EIF4E3: variants seen among roughly 807,000 people sequenced by gnomAD.
The protein encoded by EIF4E3 is eukaryotic translation initiation factor 4E family member 3, also known as eukaryotic translation initiation factor 4E type 3.
A neutral mutation model predicts 31.7 loss-of-function variants in EIF4E3; 26 were observed. The observed-to-expected ratio is 0.82, with a 90% CI of 0.60 to 1.14. The LOEUF is 1.14. Ranked by LOEUF, EIF4E3 falls within the 50% of genes most tolerant of loss-of-function variation. The pLI is 0.00. For synonymous variants in EIF4E3, 128 were observed against 107.7 expected (o/e 1.19, Z -1.17); for missense variants, 304 against 270.9 (o/e 1.12, Z -0.86).
At chr3:71,731,383 C>T (rs2049704497) in intron 1 of EIF4E3, among the ~76,000 whole-genome samples, 1 of 152,212 alleles carries the variant, frequency 6.6e-6, no homozygotes, top group Admixed American at 6.5e-5. Flanking sequence ...AGTCCCTCCG[C>T]TTGCATGGCT....
chr3:71,696,255 C>T (rs1263484036), intron 4 of EIF4E3, among the ~76,000 whole-genome samples: 1 of 152,182 alleles, frequency 6.6e-6, no homozygotes, highest in Non-Finnish European at 1.5e-5. Flanking sequence ...CATACTACAC[C>T]ACGTCTATAG....
the EIF4E3 span, among the ~76,000 whole-genome samples, chr3:71,660,145 C>A: frequency 2.0e-5 from 3 of 151,864 alleles, no homozygotes; most frequent in Non-Finnish European, 2.9e-5. Context: ...GTGGGTAGGA[C>A]TTGGTGGGGG....
intron 4 of EIF4E3, among the ~76,000 whole-genome samples, chr3:71,695,988 C>G (rs1352604113): frequency 2.0e-5 from 3 of 152,204 alleles, no homozygotes; most frequent in South Asian, 2.1e-4. Context: ...GGAGCATAGT[C>G]TCTCATGAAA....
chr3:71,703,935 G>A (rs1479653541), intron 2 of EIF4E3, among the ~76,000 whole-genome samples: 1 of 152,152 alleles, frequency 6.6e-6, no homozygotes, highest in African/African-American at 2.4e-5. Context: ...TAGTTGCCTG[G>A]GGCTTCCCAC....
intron 5 of EIF4E3, among the ~76,000 whole-genome samples, chr3:71,693,340 A>G (rs186059373): frequency 1.9e-4 from 29 of 152,332 alleles, no homozygotes; most frequent in Admixed American, 1.3e-3. Flanking sequence ...ATCACAGGAT[A>G]TAATGGTGAG....
In EIF4E3 at chr3:71,749,775, T is replaced by C. The variant is rs563599696; in HGVS notation, c.-291+3688A>G. On this transcript the variant is annotated intron_variant, in intron 1 of 7. Coordinates refer to the EIF4E3 transcript ENST00000295612. Reference sequence around the variant, plus strand: ...TACAAGAATAATGGAAATTTTCTTATAGGAAAAAAATGTCATAGAGCTGTT... The same window carrying C: ...TACAAGAATAATGGAAATTTTCTTACAGGAAAAAAATGTCATAGAGCTGTT... Among the ~76,000 whole-genome samples, 4 of 152,298 alleles carry C rather than the reference T, an allele frequency of 2.6e-5. 1 individual carries two copies. The highest frequency in any genetic ancestry group is 7.2e-5 in the African/African-American group (3 of 41,574).
At chr3:71,751,981 C>T (rs1171880839) in intron 1 of EIF4E3, among the ~76,000 whole-genome samples, 8 of 152,156 alleles carry the variant, frequency 5.3e-5, no homozygotes, top group Admixed American at 1.3e-4. Context: ...ACCCATACAC[C>T]CTCCAAAATC....
Position 71,676,000 on chromosome 3 carries a change from G to A in EIF4E3, c.*8682C>T, listed in dbSNP as rs2048872662. On this transcript the variant is annotated 3_prime_UTR_variant, in exon 7 of 7. Transcript: ENST00000425534. ...AATGACAGCATCTACCTCGTAGAGT[G>A]TTGGGGAGAACTAACCTCTATGCTT... The A allele has an allele frequency of 6.6e-6, 1 of 152,194 alleles. No individual in the cohort carries two copies. The highest frequency in any genetic ancestry group is 1.5e-5 in the Non-Finnish European group (1 of 68,026). The allele number at this position is 152,194 out of a possible 1,614,324, so 9.4% of individuals were successfully genotyped here.
At chr3:71,666,105 C>A in the EIF4E3 span, among the ~76,000 whole-genome samples, 3 of 152,110 alleles carry the variant, frequency 2.0e-5, no homozygotes, top group Non-Finnish European at 4.4e-5. Context: ...CAGACCTGAA[C>A]TGAAGGAGAC....
intron 3 of EIF4E3, among the ~76,000 whole-genome samples, chr3:71,698,005 G>C (rs1179643209): frequency 6.6e-6 from 1 of 152,254 alleles, no homozygotes; most frequent in East Asian, 1.9e-4. Context: ...CTCCATAGTT[G>C]GCTGTGCTAA....
downstream of EIF4E3, among the ~76,000 whole-genome samples, chr3:71,671,137 A>G (rs1400429835): frequency 1.3e-5 from 2 of 152,150 alleles, no homozygotes. Flanking sequence ...CACACTTACA[A>G]TGGCCATACA....
chr3:71,748,257 T>A (rs947758720), intron 1 of EIF4E3, among the ~76,000 whole-genome samples: 3 of 152,188 alleles, frequency 2.0e-5, no homozygotes, highest in African/African-American at 2.4e-5. Context: ...TTGAGAGATG[T>A]GAAACCTGCA....
intron 6 of EIF4E3, among the ~76,000 whole-genome samples, chr3:71,685,363 T>C (rs1578330697): frequency 6.6e-6 from 1 of 152,150 alleles, no homozygotes; most frequent in Non-Finnish European, 1.5e-5. Context: ...CTCTAGAATA[T>C]ATATATATTT....
downstream of EIF4E3, among the ~76,000 whole-genome samples, chr3:71,673,931 A>ATATAT (rs879460557): frequency 4.0e-5 from 5 of 124,376 alleles, no homozygotes; most frequent in East Asian, 1.7e-3. Flanking sequence ...ATATATATAT[A>ATATAT]AAAAACATAA....
chr3:71,660,639 G>C, the EIF4E3 span, among the ~76,000 whole-genome samples: 1 of 152,172 alleles, frequency 6.6e-6, no homozygotes, highest in Non-Finnish European at 1.5e-5. Flanking sequence ...TACAAACACA[G>C]GTTCTATCAG....
rs1227900629 is a variant in EIF4E3, at chr3:71,682,001, G to C, written c.*2681C>G. 2 of 152,182 alleles carry C rather than the reference G, an allele frequency of 1.3e-5. No homozygotes were observed. Among genetic ancestry groups the C allele is most frequent in the Non-Finnish European group, 2.9e-5 (2 of 68,034 alleles). The allele number at this position is 152,182 out of a possible 1,614,324, so 9.4% of individuals were successfully genotyped here. On this transcript the variant is annotated 3_prime_UTR_variant, in exon 7 of 7. Transcript: ENST00000425534. ...ACCCTCATTTAAGAAATGTGGAAAAGTTGGGGGGAAAGAGGAAATCTTAAA... is the reference window on the plus strand; with the variant it reads ...ACCCTCATTTAAGAAATGTGGAAAACTTGGGGGGAAAGAGGAAATCTTAAA...
chr3:71,706,777 A>T (rs1447902), intron 2 of EIF4E3, among the ~76,000 whole-genome samples: 107,670 of 152,044 alleles, frequency 0.71, 38,639 homozygotes, highest in African/African-American at 0.83. Flanking sequence ...GAGCTATAAT[A>T]GCACCACTGC....
intron 2 of EIF4E3, among the ~76,000 whole-genome samples, chr3:71,709,046 T>C (rs13091306): frequency 0.067 from 10,241 of 152,122 alleles, 428 homozygotes; most frequent in African/African-American, 0.11. Flanking sequence ...TTCATAATTA[T>C]GCATGCCACA....
At chr3:71,707,088 T>C (rs1448804263) in intron 2 of EIF4E3, among the ~76,000 whole-genome samples, 4 of 152,202 alleles carry the variant, frequency 2.6e-5, no homozygotes, top group African/African-American at 9.6e-5. Context: ...TGGTATATAG[T>C]TTCCTGATAT....
Sources: gnomAD v4.1 joint callset for allele counts (sites outside exome capture counted in the v4.1 genomes callset) on GRCh38, gnomAD v4.1.1 for gene constraint, MANE v1.5 for transcripts, NCBI Gene and HGNC (gene_info 2026-07-23, HGNC 2026-07-21) for gene names.